CCM2: variants seen among roughly 807,000 people sequenced by gnomAD.
CCM2 encodes the protein CCM2 scaffold protein.
CCM2 carries 25 observed loss-of-function variants against 44.9 expected under a neutral mutation model. The observed-to-expected ratio is 0.56, with a 90% confidence interval of 0.41 to 0.78. The LOEUF (loss-of-function observed/expected upper bound fraction) is 0.78, where lower values mean the gene tolerates loss of function less well. Among genes scored for constraint, CCM2 ranks in the 30% least tolerant of loss-of-function variants. The pLI, the probability that CCM2 is intolerant of heterozygous loss-of-function variation, is 0.00. For missense variants in CCM2, 481 were observed against 580.6 expected, an observed-to-expected ratio of 0.83 and a Z score of 1.76; for synonymous variants, 219 against 241.1, an observed-to-expected ratio of 0.91 and a Z score of 0.85.
At chr7:45,062,750 C>T (rs1307244711) in intron 2 of CCM2, among the ~76,000 whole-genome samples, 2 of 151,212 alleles carry the variant, frequency 1.3e-5, no homozygotes, top group African/African-American at 4.9e-5. Flanking sequence ...TGCTTTGAGC[C>T]TGGGAGGCAG....
intron 1 of CCM2, among the ~76,000 whole-genome samples, chr7:45,012,534 T>G (rs4724343): frequency 6.6e-6 from 1 of 152,020 alleles, no homozygotes; most frequent in Non-Finnish European, 1.5e-5. Context: ...TTAATATAGC[T>G]ACACCACATT....
intron 2 of CCM2, among the ~76,000 whole-genome samples, chr7:45,054,756 CTT>C (rs879512454): frequency 1.3e-5 from 2 of 152,202 alleles, no homozygotes; most frequent in Non-Finnish European, 2.9e-5. Flanking sequence ...GGTCCTCTCT[CTT>C]GTAGCTGTGC....
Position 45,038,492 on chromosome 7 carries a change from A to G in CCM2, c.204+66A>G, listed in dbSNP as rs1165191950. 7 of 1,538,602 alleles carry G rather than the reference A, an allele frequency of 4.5e-6. No homozygotes were observed. The African/African-American group carries it at 9.5e-5, about 21-fold the overall frequency. ...AGTGACGGTCATGCTTGTATCCACC[A>G]GACACTCTTGAGTTTATAAGACACA... On this transcript the variant is annotated intron_variant, in intron 2 of 9. Transcript: ENST00000258781.
intron 1 of CCM2, among the ~76,000 whole-genome samples, chr7:45,010,522 A>G (rs1328424061): frequency 1.3e-5 from 2 of 152,112 alleles, no homozygotes; most frequent in African/African-American, 2.4e-5. Flanking sequence ...TTGCTGAGTA[A>G]TATTTTGTTG....
At chr7:45,024,933 C>G (rs1293445989) in intron 1 of CCM2, among the ~76,000 whole-genome samples, 1 of 152,200 alleles carries the variant, frequency 6.6e-6, no homozygotes, top group Non-Finnish European at 1.5e-5. Flanking sequence ...TTGTTGTCTT[C>G]TGATATTTGT....
rs985901360 is a variant in CCM2 at position 45,076,263 on chromosome 7, C to G, written c.*206C>G. 6 of 757,842 alleles carry G rather than the reference C, an allele frequency of 7.9e-6. No homozygotes were observed. In the African/African-American group the frequency reaches 1.0e-4, roughly 13 times the overall value. The allele number at this position is 757,842 out of a possible 1,614,324, so 46.9% of individuals were successfully genotyped here. A position where few individuals can be genotyped will look rare whatever the true frequency, so the allele number is the denominator to read the frequency against. On this transcript the variant is annotated 3_prime_UTR_variant, in exon 10 of 10. Coordinates refer to ENST00000258781, the MANE Select transcript of CCM2 (RefSeq NM_031443.4). Reference sequence around the variant, plus strand: ...GAGCCTCAGTGCGGGGTGGAAGGCTCTTTGCCTTGTCCACCAGGGCTCAGC... The same window carrying G: ...GAGCCTCAGTGCGGGGTGGAAGGCTGTTTGCCTTGTCCACCAGGGCTCAGC...
At chr7:45,000,508 C>T (rs867622785) in intron 1 of CCM2, 145 bp downstream of exon 1, 19 of 580,746 alleles carry the variant, frequency 3.3e-5, no homozygotes, top group Middle Eastern at 6.0e-4. Flanking sequence ...GGGCGAGACC[C>T]CGGACAATGG....
At chr7:45,073,369 C>A in intron 7 of CCM2, 91 bp from the exon 8 acceptor site, 1 of 804,408 alleles carries the variant, frequency 1.2e-6, no homozygotes, top group Non-Finnish European at 2.2e-6. Flanking sequence ...GGACAGGGAC[C>A]CACACACACG....
chr7:45,055,905 AG>A, intron 2 of CCM2, among the ~76,000 whole-genome samples: 1 of 152,254 alleles, frequency 6.6e-6, no homozygotes. Flanking sequence ...TGACTACTCT[AG>A]GTATCTTATG....
chr7:45,069,334 T>C (rs1242790427), intron 5 of CCM2, among the ~76,000 whole-genome samples: 1 of 152,228 alleles, frequency 6.6e-6, no homozygotes, highest in African/African-American at 2.4e-5. Context: ...TGAAAATGTC[T>C]CCAGATATTG....
chr7:45,065,247 T>C (rs1016069244), intron 4 of CCM2, among the ~76,000 whole-genome samples: 2 of 152,206 alleles, frequency 1.3e-5, no homozygotes, highest in Non-Finnish European at 2.9e-5. Context: ...AAGCTGCCCG[T>C]TAATTTCCAG....
intron 1 of CCM2, among the ~76,000 whole-genome samples, chr7:45,015,877 C>G (rs1422713005): frequency 6.6e-6 from 1 of 152,192 alleles, no homozygotes; most frequent in Non-Finnish European, 1.5e-5. Context: ...TTCAGCTTGA[C>G]AGACTGATGC....
chr7:45,010,306 C>A (rs569498045), intron 1 of CCM2, among the ~76,000 whole-genome samples: 2 of 152,168 alleles, frequency 1.3e-5, no homozygotes, highest in South Asian at 4.1e-4. Flanking sequence ...ATATTACCTA[C>A]CATCACTGAG....
At chr7:45,060,823 A>G (rs986668493) in intron 2 of CCM2, among the ~76,000 whole-genome samples, 1 of 152,114 alleles carries the variant, frequency 6.6e-6, no homozygotes, top group Non-Finnish European at 1.5e-5. Context: ...TATGCTGCCT[A>G]TCTGTTCTTA....
chr7:45,070,397 C>T (rs1361871974), intron 6 of CCM2: 2 of 454,066 alleles, frequency 4.4e-6, no homozygotes, highest in Non-Finnish European at 8.9e-6. Flanking sequence ...AGGACCATGG[C>T]CAGACCCATG....
chr7:45,070,152 TG>T, intron 6 of CCM2, 191 bp downstream of exon 6: 1 of 677,876 alleles, frequency 1.5e-6, no homozygotes. Context: ...CACCTGTCCT[TG>T]AGAGAGTTGC....
At chr7:45,068,281 G>A (rs569153574) in intron 4 of CCM2, 162 bp from the exon 5 acceptor site, 11 of 849,152 alleles carry the variant, frequency 1.3e-5, no homozygotes, top group African/African-American at 6.6e-5. Flanking sequence ...TTAGAGAAGC[G>A]AAGTGTGTCT....
At chr7:45,027,568 T>C (rs1329927645) in intron 1 of CCM2, 10 of 1,547,870 alleles carry the variant, frequency 6.5e-6, no homozygotes, top group Non-Finnish European at 7.9e-6. Flanking sequence ...TTTTAAACTT[T>C]TAAAAAATTG....
intron 1 of CCM2, among the ~76,000 whole-genome samples, chr7:45,006,221 T>C (rs1795841391): frequency 6.6e-6 from 1 of 152,102 alleles, no homozygotes; most frequent in Non-Finnish European, 1.5e-5. Context: ...ATGTGCACCT[T>C]CTCCTCATTC....
Sources: gnomAD v4.1 joint callset for allele counts (sites outside exome capture counted in the v4.1 genomes callset) on GRCh38, gnomAD v4.1.1 for gene constraint, MANE v1.5 for transcripts, NCBI Gene and HGNC (gene_info 2026-07-23, HGNC 2026-07-21) for gene names.